The following MFN2 variants were observed in gnomAD, a reference collection of about 807,000 sequenced individuals.
MFN2 encodes the protein mitofusin 2.
MFN2 carries 43 observed loss-of-function variants against 87.5 expected under a neutral mutation model. The observed-to-expected ratio is 0.49, with a 90% CI of 0.38 to 0.63. The LOEUF is 0.63. Ranked by LOEUF, MFN2 falls within the 30% of genes least tolerant of loss-of-function variation. The pLI, the probability that MFN2 is intolerant of heterozygous loss-of-function variation, is 0.00. For synonymous variants in MFN2, 337 were observed against 359.9 expected (o/e 0.94, Z 0.72); for missense variants, 743 against 972.8 (o/e 0.76, Z 3.14).
In MFN2 at chr1:12,002,115, A is replaced by AT. The variant is rs1210622816; in HGVS notation, c.1160+12_1160+13insT. ...GCTCGGGAGCAGCAGTAAGAGTCCA[A>AT]GACTGCAGATAGGTGGAGAGAGCTG... On this transcript the variant is annotated intron_variant, in intron 11 of 18. Transcript: ENST00000235329. The AT allele has an allele frequency of 1.2e-6, 2 of 1,614,174 alleles. No homozygotes were observed. Among genetic ancestry groups the AT allele is most frequent in the East Asian group, 4.5e-5 (2 of 44,886 alleles).
intron 2 of MFN2, among the ~76,000 whole-genome samples, chr1:11,988,429 A>C: frequency 7.1e-6 from 1 of 141,462 alleles, no homozygotes; most frequent in African/African-American, 2.7e-5. Context: ...TTAAATAGAG[A>C]CGGGGTCCTA....
At chr1:12,009,814 T>C (rs1408326543) in intron 18 of MFN2, 88 bp downstream of exon 18, 34 of 1,590,726 alleles carry the variant, frequency 2.1e-5, no homozygotes, top group Non-Finnish European at 2.0e-5. Flanking sequence ...GCGTCTTGGG[T>C]GTGGACACAA....
intron 2 of MFN2, among the ~76,000 whole-genome samples, chr1:11,986,051 T>G (rs1422743772): frequency 6.6e-6 from 1 of 152,168 alleles, no homozygotes; most frequent in African/African-American, 2.4e-5. Flanking sequence ...GTCACTTCCT[T>G]CCCTTGTCTC....
At position 12,004,645 on chromosome 1, in the gene MFN2, G is replaced by A; in HGVS notation, c.1392+32G>A. Reference sequence around the variant, plus strand: ...CATGGAGCAACAGGTCCTCTTGGCAGGAGGCCCCCAAAAGTGATTCAACCC... The same window carrying A: ...CATGGAGCAACAGGTCCTCTTGGCAAGAGGCCCCCAAAAGTGATTCAACCC... On this transcript the variant is annotated intron_variant, in intron 13 of 18. Transcript: ENST00000235329. This position sits in a 1 kb window ranked among gnomAD's most constrained non-coding sequence, Gnocchi z 4.2. 6.2e-7 allele frequency: 1 copy of A among 1,600,532 alleles called. No homozygotes were observed. Among genetic ancestry groups the A allele is most frequent in the East Asian group, 2.2e-5 (1 of 44,812 alleles).
intron 4 of MFN2, among the ~76,000 whole-genome samples, chr1:11,993,502 G>A (rs1226605646): frequency 6.6e-6 from 1 of 152,000 alleles, no homozygotes; most frequent in African/African-American, 2.4e-5. Flanking sequence ...TTGGGAGGCC[G>A]AGGCAGGTGG....
At chr1:11,990,443 G>A (rs2100806170) in intron 3 of MFN2, among the ~76,000 whole-genome samples, 1 of 152,346 alleles carries the variant, frequency 6.6e-6, no homozygotes. Context: ...GCCAGGTGCT[G>A]GGCATGCAGA....
chr1:11,992,739 G>T (rs373580539), intron 4 of MFN2, 49 bp downstream of exon 4: 15 of 1,613,824 alleles, frequency 9.3e-6, no homozygotes, highest in Non-Finnish European at 1.3e-5. Context: ...CTAGGAGGGA[G>T]GGAGGCACTT....
intron 15 of MFN2, 125 bp from the exon 16 acceptor site, chr1:12,006,413 T>C: frequency 7.8e-7 from 1 of 1,286,310 alleles, no homozygotes. Context: ...TTGTCCCCTT[T>C]TTGCCTTTTG....
intron 6 of MFN2, 77 bp from the exon 7 acceptor site, chr1:11,998,693 G>A (rs878961295): frequency 7.4e-7 from 1 of 1,349,932 alleles, no homozygotes; most frequent in Non-Finnish European, 1.1e-6. Flanking sequence ...TGCCTCACAA[G>A]TCCCAGGTCT....
intron 3 of MFN2, 80 bp downstream of exon 3, chr1:11,989,423 T>G: frequency 6.7e-7 from 1 of 1,498,948 alleles, no homozygotes; most frequent in Non-Finnish European, 9.1e-7. Flanking sequence ...TGGGGAGGTA[T>G]ATCTCTGCTC....
intron 2 of MFN2, among the ~76,000 whole-genome samples, chr1:11,987,068 G>A (rs193198116): frequency 2.0e-4 from 31 of 152,068 alleles, no homozygotes; most frequent in African/African-American, 7.2e-4. Context: ...CCAGCACTTC[G>A]GGAGGCCGAA....
In MFN2 at chr1:12,003,664, C is replaced by CAA. The variant is rs60299433; in HGVS notation, c.1161-313_1161-312dup. On this transcript the variant is annotated intron_variant, in intron 11 of 18. Coordinates refer to ENST00000235329, the MANE Select transcript of MFN2 (RefSeq NM_014874.4). The surrounding 1 kb of genome is among the most constrained non-coding windows in gnomAD (Gnocchi z 4.1). ...GGGCAACAAGAGTGAAACTCCATCT[C>CAA]AAAAAAAAAAAAAAAATCATTTCTG... Among the ~76,000 whole-genome samples, 297 of 127,292 alleles carry CAA rather than the reference C, an allele frequency of 2.3e-3. 7 individuals carry two copies. In the East Asian group the frequency reaches 0.046, roughly 20 times the overall value. The allele number at this position is 127,292 out of a possible 152,430, so 83.5% of individuals were successfully genotyped here.
chr1:12,001,967 C>T lies in MFN2; in HGVS notation c.1039-15C>T, dbSNP rs1462549695. The T allele has an allele frequency of 6.2e-7, 1 of 1,614,176 alleles. No individual in the cohort carries two copies. Among genetic ancestry groups the T allele is most frequent in the Non-Finnish European group, 8.5e-7 (1 of 1,180,020 alleles). On this transcript the variant is annotated splice_polypyrimidine_tract_variant and intron_variant, in intron 10 of 18. Transcript: ENST00000235329. Reference sequence around the variant, plus strand: ...TGGTGGCCCCCACCTCCCTCCGTGCCTCTGTGTGTTCCAGGAGTGCATCTC... The same window carrying T: ...TGGTGGCCCCCACCTCCCTCCGTGCTTCTGTGTGTTCCAGGAGTGCATCTC...
intron 17 of MFN2, among the ~76,000 whole-genome samples, chr1:12,007,530 G>A (rs976220935): frequency 1.3e-5 from 2 of 152,226 alleles, no homozygotes; most frequent in African/African-American, 4.8e-5. Context: ...AGTTTTAGAG[G>A]TTGCCTTGAA....
In MFN2 at chr1:12,003,863, C is replaced by T; in HGVS notation, c.1161-129C>T. 1 of 1,223,108 alleles carries T rather than the reference C, an allele frequency of 8.2e-7. No individual in the cohort carries two copies. The highest frequency in any genetic ancestry group is 1.2e-6 in the Non-Finnish European group (1 of 834,094). The allele number at this position is 1,223,108 out of a possible 1,614,324, so 75.8% of individuals were successfully genotyped here. ...ACCTGGGAAGGGGAAGGCCATGCCC[C>T]TGGGTGCGTGTGTGCAGCCCTGCCA... On this transcript the variant is annotated intron_variant, in intron 11 of 18. Coordinates refer to ENST00000235329, the MANE Select transcript of MFN2 (RefSeq NM_014874.4). This position sits in a 1 kb window ranked among gnomAD's most constrained non-coding sequence, Gnocchi z 4.1.
At chr1:12,001,916 G>C in intron 10 of MFN2, 66 bp from the exon 11 acceptor site, 1 of 1,614,090 alleles carries the variant, frequency 6.2e-7, no homozygotes, top group Non-Finnish European at 8.5e-7. Flanking sequence ...GTGAAAACCA[G>C]AGTCTGGCCC....
intron 5 of MFN2, among the ~76,000 whole-genome samples, chr1:11,996,791 A>G (rs1638926622): frequency 6.6e-6 from 1 of 152,124 alleles, no homozygotes; most frequent in Non-Finnish European, 1.5e-5. Flanking sequence ...TAATCCCAGC[A>G]CTTTGGGAGG....
rs1639425756 is a variant in MFN2, at chr1:12,006,535, C to T, written c.1717-3C>T. 2.5e-6 allele frequency: 4 copies of T among 1,614,174 alleles called. No individual in the cohort carries two copies. The highest frequency in any genetic ancestry group is 3.4e-6 in the Non-Finnish European group (4 of 1,180,046). ...CTCACCCCTCTCATGTTTCTCTCCT[C>T]AGGTCCAGCGTCCCATCCCTCTGAC... On this transcript the variant is annotated splice_polypyrimidine_tract_variant and splice_region_variant and intron_variant, in intron 15 of 18. Coordinates refer to ENST00000235329, the MANE Select transcript of MFN2 (RefSeq NM_014874.4).
rs966228561 is a variant in MFN2 at position 12,006,046 on chromosome 1, T to C, written c.1716+115T>C. 12 of 934,884 alleles carry C rather than the reference T, an allele frequency of 1.3e-5. No individual in the cohort carries two copies. The African/African-American group carries it at 1.8e-4, about 14-fold the overall frequency. The allele number at this position is 934,884 out of a possible 1,614,324, so 57.9% of individuals were successfully genotyped here. On this transcript the variant is annotated intron_variant, in intron 15 of 18. Coordinates refer to ENST00000235329, the MANE Select transcript of MFN2 (RefSeq NM_014874.4). Reference sequence around the variant, plus strand: ...CCTAAGGTCAGCAGCTGTGGTGGTGTGCCCCACCACACAGTACACCACAGA... The same window carrying C: ...CCTAAGGTCAGCAGCTGTGGTGGTGCGCCCCACCACACAGTACACCACAGA...
Sources: gnomAD v4.1 joint callset for allele counts (sites outside exome capture counted in the v4.1 genomes callset) on GRCh38, gnomAD v4.1.1 for gene constraint, Gnocchi (gnomAD v3.1) non-coding constraint, MANE v1.5 for transcripts, NCBI Gene and HGNC (gene_info 2026-07-23, HGNC 2026-07-21) for gene names.